The following BNC2 variants were observed in gnomAD, a reference collection of about 807,000 sequenced individuals.
The protein encoded by BNC2 is basonuclin zinc finger protein 2.
Under a neutral mutation model 76.3 loss-of-function variants are expected in BNC2, and 20 were observed. The observed-to-expected ratio is 0.26, with a 90% CI of 0.18 to 0.38. The LOEUF (loss-of-function observed/expected upper bound fraction) is 0.38, where lower values mean the gene tolerates loss of function less well. Ranked by LOEUF, BNC2 falls within the 10% of genes least tolerant of loss-of-function variation. The pLI is 1.00. For missense variants in BNC2, 1,382 were observed against 1,399.8 expected, an observed-to-expected ratio of 0.99 and a Z score of 0.20; for synonymous variants, 582 against 514.8, an observed-to-expected ratio of 1.13 and a Z score of -1.77.
At chr9:16,601,187 A>C (rs1820234004) in intron 3 of BNC2, among the ~76,000 whole-genome samples, 1 of 152,218 alleles carries the variant, frequency 6.6e-6, no homozygotes, top group Admixed American at 6.5e-5. Flanking sequence ...TATATGTCAG[A>C]ATCATCTGTG....
At chr9:16,750,708 G>C (rs1825165862) in intron 1 of BNC2, among the ~76,000 whole-genome samples, 1 of 152,148 alleles carries the variant, frequency 6.6e-6, no homozygotes, top group Non-Finnish European at 1.5e-5. Flanking sequence ...CTGCCACCCT[G>C]TTTTCAACTC....
At chr9:16,780,235 CAAA>C (rs372583425) in intron 1 of BNC2, among the ~76,000 whole-genome samples, 7,482 of 66,042 alleles carry the variant, frequency 0.11, 238 homozygotes, top group Admixed American at 0.21. Context: ...GACTTCGTTT[CAAA>C]AAAAAAAAAA....
chr9:16,823,289 T>C (rs1424653060), intron 1 of BNC2, among the ~76,000 whole-genome samples: 4 of 151,916 alleles, frequency 2.6e-5, no homozygotes, highest in Admixed American at 6.6e-5. Context: ...TATAAAATAG[T>C]TCTATAGTGA....
At chr9:16,482,132 A>T (rs1172417046) in intron 5 of BNC2, among the ~76,000 whole-genome samples, 1 of 152,194 alleles carries the variant, frequency 6.6e-6, no homozygotes, top group Non-Finnish European at 1.5e-5. Context: ...AATATATGTC[A>T]ATAATAACTA....
At chr9:16,449,433 G>C (rs1346572346) in intron 5 of BNC2, among the ~76,000 whole-genome samples, 1 of 152,052 alleles carries the variant, frequency 6.6e-6, no homozygotes, top group Non-Finnish European at 1.5e-5. Context: ...TAAACAATAT[G>C]GGTAAACTAC....
chr9:16,623,562 T>C (rs1820918805), intron 3 of BNC2, among the ~76,000 whole-genome samples: 1 of 152,194 alleles, frequency 6.6e-6, no homozygotes, highest in South Asian at 2.1e-4. Flanking sequence ...CAGTCGACTA[T>C]TTAAAAATTT....
At chr9:16,555,190 T>G (rs1818787690) in intron 4 of BNC2, among the ~76,000 whole-genome samples, 1 of 151,854 alleles carries the variant, frequency 6.6e-6, no homozygotes, top group Non-Finnish European at 1.5e-5. Flanking sequence ...GACTAATTTT[T>G]TTTTTTGTAT....
chr9:16,578,636 C>T (rs1414910893), intron 4 of BNC2, among the ~76,000 whole-genome samples: 1 of 148,428 alleles, frequency 6.7e-6, no homozygotes, highest in Non-Finnish European at 1.5e-5. Flanking sequence ...AGTGTGGAGG[C>T]AAAGGGTAAA....
chr9:16,574,492 A>G (rs950585715), intron 4 of BNC2, among the ~76,000 whole-genome samples: 3 of 152,176 alleles, frequency 2.0e-5, no homozygotes, highest in African/African-American at 7.2e-5. Flanking sequence ...GGCTCAAATG[A>G]CATTTTAGGG....
chr9:16,793,052 A>C (rs964543160), intron 1 of BNC2, among the ~76,000 whole-genome samples: 2 of 152,226 alleles, frequency 1.3e-5, no homozygotes, highest in African/African-American at 2.4e-5. Flanking sequence ...CTTAGGAAAT[A>C]AAGTGAGTTT....
rs539873394 is a variant in BNC2 at position 16,471,852 on chromosome 9, C to G, written c.670-34328G>C. Among the ~76,000 whole-genome samples, 17 of 152,120 alleles carry G rather than the reference C, an allele frequency of 1.1e-4. 1 individual carries two copies. The East Asian group carries it at 2.5e-3, about 23-fold the overall frequency. ...GAATTCCCACATGTTGTAGGAGGCA[C>G]CGAGGGGGAGGTAACTGAATCATGG... On this transcript the variant is annotated intron_variant, in intron 5 of 6. Coordinates refer to ENST00000380672, the MANE Select transcript of BNC2 (RefSeq NM_017637.6).
chr9:16,863,502 C>A (rs1373605191), intron 1 of BNC2, among the ~76,000 whole-genome samples: 2 of 152,104 alleles, frequency 1.3e-5, no homozygotes, highest in African/African-American at 2.4e-5. Context: ...CGGGACCAGC[C>A]TGGACAACAT....
chr9:16,472,500 A>G (rs1240705032), intron 5 of BNC2, among the ~76,000 whole-genome samples: 5 of 152,192 alleles, frequency 3.3e-5, no homozygotes, highest in Non-Finnish European at 7.3e-5. Context: ...GCACTCTTTT[A>G]GGATAAAAAT....
At chr9:16,836,914 A>C (rs1447777966) in intron 1 of BNC2, among the ~76,000 whole-genome samples, 1 of 152,202 alleles carries the variant, frequency 6.6e-6, no homozygotes, top group African/African-American at 2.4e-5. Flanking sequence ...TTATATTAAC[A>C]GTGACAACTA....
At chr9:16,447,076 C>T (rs1821246102) in intron 5 of BNC2, among the ~76,000 whole-genome samples, 3 of 152,046 alleles carry the variant, frequency 2.0e-5, no homozygotes, top group Admixed American at 6.6e-5. Context: ...TAAATCAAAC[C>T]TGAGAAACTT....
chr9:16,582,902 C>CACACACACAA (rs1819666186), intron 4 of BNC2, 81 bp downstream of exon 4: 1 of 865,304 alleles, frequency 1.2e-6, no homozygotes, highest in Admixed American at 1.8e-5. Context: ...GACACACACA[C>CACACACACAA]ACACACACAC....
chr9:16,866,263 T>G (rs1819540624), intron 1 of BNC2, among the ~76,000 whole-genome samples: 1 of 152,164 alleles, frequency 6.6e-6, no homozygotes, highest in Non-Finnish European at 1.5e-5. Context: ...CCATAATAAG[T>G]CAGGTTTATA....
intron 3 of BNC2, among the ~76,000 whole-genome samples, chr9:16,692,772 G>GA (rs1161553459): frequency 1.3e-5 from 2 of 152,154 alleles, no homozygotes; most frequent in African/African-American, 4.8e-5. Context: ...AGGCTTCCTA[G>GA]AGTGATGCTG....
chr9:16,433,659 C>T lies in BNC2; in HGVS notation c.2639+1896G>A, dbSNP rs1820948310. Reference sequence around the variant, plus strand: ...GTGTTAAGACATAAATATACAAGCGCTTGCGTTTTCTAGGAATTTTACATA... The same window carrying T: ...GTGTTAAGACATAAATATACAAGCGTTTGCGTTTTCTAGGAATTTTACATA... On this transcript the variant is annotated intron_variant, in intron 6 of 6. Transcript: ENST00000380672. 4.6e-5 allele frequency among the ~76,000 whole-genome samples: 7 copies of T among 152,290 alleles called. No homozygotes were observed. The South Asian group carries it at 1.5e-3, about 32-fold the overall frequency.
Sources: allele counts gnomAD v4.1 joint callset (sites outside exome capture counted in the v4.1 genomes callset), GRCh38; gene constraint gnomAD v4.1.1; transcripts MANE v1.5; gene names NCBI Gene and HGNC (gene_info 2026-07-23, HGNC 2026-07-21).